WWOX: variants seen among roughly 807,000 people sequenced by gnomAD.
The protein encoded by WWOX is WW domain containing oxidoreductase.
In WWOX, 69 loss-of-function variants were observed where a neutral mutation model predicts 46.2. The ratio of observed to expected loss-of-function variants is 1.49; its 90% CI spans 1.23 to 1.82. WWOX has a LOEUF of 1.82. WWOX is among the 40% of genes most tolerant of loss of function. The probability of loss-of-function intolerance (pLI) is 0.00; values close to 1 mark genes in which losing one functional copy is unlikely to be tolerated. For missense variants in WWOX, 919 were observed against 542.6 expected (o/e 1.69, Z -6.89); for synonymous variants, 359 against 202.6 (o/e 1.77, Z -6.56).
At chr16:78,915,146 T>C (rs183450814) in intron 8 of WWOX, among the ~76,000 whole-genome samples, 22 of 152,218 alleles carry the variant, frequency 1.4e-4, no homozygotes, top group Non-Finnish European at 1.2e-4. Flanking sequence ...ATTAAAAAAT[T>C]ACTCTCCAGT....
chr16:79,144,575 T>C (rs1430641507), intron 8 of WWOX, among the ~76,000 whole-genome samples: 1 of 152,200 alleles, frequency 6.6e-6, no homozygotes, highest in African/African-American at 2.4e-5. Flanking sequence ...TATTGAATTT[T>C]GGAGTGCATT....
At chr16:78,691,208 A>G (rs1298213273) in intron 8 of WWOX, 2 of 701,902 alleles carry the variant, frequency 2.8e-6, no homozygotes, top group East Asian at 2.7e-5. Context: ...AGCGCCTAGA[A>G]TTTTAGCTAT....
intron 8 of WWOX, among the ~76,000 whole-genome samples, chr16:78,841,173 T>A (rs1378997284): frequency 6.6e-6 from 1 of 152,198 alleles, no homozygotes; most frequent in Non-Finnish European, 1.5e-5. Context: ...GCACTGGGTC[T>A]TCCAGAAATG....
At chr16:78,314,527 T>G (rs890613436) in intron 5 of WWOX, among the ~76,000 whole-genome samples, 7 of 98,734 alleles carry the variant, frequency 7.1e-5, no homozygotes, top group Admixed American at 3.0e-4. Flanking sequence ...ATTTGTGGGG[T>G]TTTTTTTTTT....
intron 8 of WWOX, among the ~76,000 whole-genome samples, chr16:78,546,470 C>G (rs76310057): frequency 1.3e-5 from 2 of 152,192 alleles, no homozygotes; most frequent in Admixed American, 6.5e-5. Context: ...AGTTTCATCA[C>G]TTTGTTAATT....
chr16:78,784,847 A>C (rs185203260), intron 8 of WWOX, among the ~76,000 whole-genome samples: 49 of 152,230 alleles, frequency 3.2e-4, no homozygotes, highest in Admixed American at 2.0e-3. Context: ...TCATGGTTGA[A>C]GGTGTCTATG....
intron 8 of WWOX, among the ~76,000 whole-genome samples, chr16:78,567,932 G>A (rs1001725057): frequency 6.6e-6 from 1 of 152,086 alleles, no homozygotes; most frequent in Non-Finnish European, 1.5e-5. Flanking sequence ...GTGGCTCACC[G>A]GGGCTCTGCG....
intron 8 of WWOX, among the ~76,000 whole-genome samples, chr16:79,161,680 G>A (rs79595746): frequency 0.021 from 3,228 of 152,018 alleles, 115 homozygotes; most frequent in African/African-American, 0.074. Flanking sequence ...CACCATGCCC[G>A]GCTAGTTTTT....
intron 8 of WWOX, among the ~76,000 whole-genome samples, chr16:78,831,544 G>C (rs1158694828): frequency 6.6e-6 from 1 of 152,188 alleles, no homozygotes; most frequent in Non-Finnish European, 1.5e-5. Flanking sequence ...GGTGCACAAA[G>C]CCAGCATCAG....
intron 8 of WWOX, among the ~76,000 whole-genome samples, chr16:79,082,482 A>G (rs1171005522): frequency 2.6e-5 from 4 of 152,154 alleles, no homozygotes; most frequent in Non-Finnish European, 5.9e-5. Context: ...TGGCCACTTT[A>G]TAGACCTATG....
intron 8 of WWOX, among the ~76,000 whole-genome samples, chr16:78,774,053 C>T (rs970507429): frequency 6.6e-6 from 1 of 152,096 alleles, no homozygotes; most frequent in Non-Finnish European, 1.5e-5. Context: ...TTTTCATGTT[C>T]CTTGAAGGAA....
intron 6 of WWOX, among the ~76,000 whole-genome samples, chr16:78,404,535 C>G (rs1041961185): frequency 5.3e-5 from 8 of 152,166 alleles, no homozygotes; most frequent in African/African-American, 1.7e-4. Context: ...ATAATAGTCA[C>G]TTTCTCTTGT....
At chr16:78,926,613 A>T (rs2045504538) in intron 8 of WWOX, among the ~76,000 whole-genome samples, 1 of 152,154 alleles carries the variant, frequency 6.6e-6, no homozygotes, top group Non-Finnish European at 1.5e-5. Context: ...GTGGTTTGTC[A>T]GTTCTTTCAT....
intron 8 of WWOX, among the ~76,000 whole-genome samples, chr16:79,160,090 G>A (rs369971004): frequency 6.6e-6 from 1 of 152,178 alleles, no homozygotes; most frequent in African/African-American, 2.4e-5. Context: ...GAGAGTGCTG[G>A]CATCAAGCAC....
At chr16:78,879,230 TGGGCATGCC>T (rs898182047) in intron 8 of WWOX, among the ~76,000 whole-genome samples, 14 of 152,180 alleles carry the variant, frequency 9.2e-5, no homozygotes, top group Admixed American at 7.2e-4. Flanking sequence ...AAGAGCTGGT[TGGGCATGCC>T]GGGCAGGCTT....
At chr16:79,140,248 A>G (rs1240525891) in intron 8 of WWOX, among the ~76,000 whole-genome samples, 1 of 152,222 alleles carries the variant, frequency 6.6e-6, no homozygotes, top group Non-Finnish European at 1.5e-5. Context: ...CCCTGCCCTG[A>G]AATGCACGCT....
At chr16:78,253,416 A>T (rs922107749) in intron 5 of WWOX, among the ~76,000 whole-genome samples, 1 of 152,206 alleles carries the variant, frequency 6.6e-6, no homozygotes, top group South Asian at 2.1e-4. Context: ...AATAGACATT[A>T]TTATGATGTT....
chr16:78,980,186 T>G (rs1377484924), intron 8 of WWOX, among the ~76,000 whole-genome samples: 1 of 152,218 alleles, frequency 6.6e-6, no homozygotes, highest in Admixed American at 6.5e-5. Context: ...CCCAAATCCT[T>G]GCTGAATCAT....
At chr16:78,621,552 C>T (rs138510999) in intron 8 of WWOX, among the ~76,000 whole-genome samples, 1 of 137,276 alleles carries the variant, frequency 7.3e-6, no homozygotes, top group East Asian at 2.3e-4. Flanking sequence ...CCAGTATATT[C>T]AATGATTCAC....
Sources: allele counts gnomAD v4.1 joint callset (sites outside exome capture counted in the v4.1 genomes callset), GRCh38; gene constraint gnomAD v4.1.1; transcripts MANE v1.5; gene names NCBI Gene and HGNC (gene_info 2026-07-23, HGNC 2026-07-21).